Variants in CDK11B observed in about 807,000 individuals in gnomAD.
CDK11B encodes the protein cyclin dependent kinase 11B.
In CDK11B, 37 loss-of-function variants were observed where a neutral mutation model predicts 84.0. The observed-to-expected ratio is 0.44, with a 90% CI of 0.34 to 0.58. The LOEUF (loss-of-function observed/expected upper bound fraction) is 0.58. Ranked by LOEUF, CDK11B falls within the 20% of genes least tolerant of loss-of-function variation. The probability of loss-of-function intolerance (pLI) is 0.02; values close to 1 mark genes in which losing one functional copy is unlikely to be tolerated. For synonymous variants in CDK11B, 269 were observed against 309.8 expected, an observed-to-expected ratio of 0.87 and a Z score of 1.38; for missense variants, 427 against 834.0, an observed-to-expected ratio of 0.51 and a Z score of 6.01.
chr1:1,640,064 G>C (rs1467018471), intron 11 of CDK11B, among the ~76,000 whole-genome samples: 4 of 151,780 alleles, frequency 2.6e-5, no homozygotes, highest in African/African-American at 7.3e-5. Flanking sequence ...CCTGCGGGCA[G>C]CTCCCTGTCC....
rs910161203 is a variant in CDK11B, at chr1:1,641,777, T to TTCC, written c.891_893dup (p.Glu303dup). On this transcript the variant is annotated inframe_insertion, in exon 9 of 20. Coordinates refer to ENST00000341832, the MANE Select transcript of CDK11B (RefSeq NM_033486.3). ...TGGTGCTCCCTTCCTCCTCCTCCTC[T>TTCC]TCCTCCTCCTCCTCTTCTTCCTCAG... 4 of 666,616 alleles carry TTCC rather than the reference T, an allele frequency of 6.0e-6. 1 individual carries two copies. The highest frequency in any genetic ancestry group is 7.6e-6 in the Non-Finnish European group (3 of 396,032). 41.3% of individuals were successfully genotyped at this position (666,616 alleles called of 1,614,324 possible).
chr1:1,655,743 G>A (rs996431765), intron 2 of CDK11B, among the ~76,000 whole-genome samples: 1 of 151,948 alleles, frequency 6.6e-6, no homozygotes, highest in African/African-American at 2.4e-5. Flanking sequence ...ACAACACAGT[G>A]AAACCCCATC....
chr1:1,639,321 A>C (rs913564991), intron 11 of CDK11B, among the ~76,000 whole-genome samples: 31 of 151,674 alleles, frequency 2.0e-4, no homozygotes, highest in Non-Finnish European at 3.7e-4. Flanking sequence ...GGAGGCTGAA[A>C]TGGGAGGATT....
At chr1:1,655,525 T>A in intron 2 of CDK11B, 41 bp from the exon 3 acceptor site, 1 of 1,529,406 alleles carries the variant, frequency 6.5e-7, no homozygotes, top group Non-Finnish European at 8.8e-7. Context: ...CTTTATAAGT[T>A]TTTTTTTCTT....
intron 4 of CDK11B, among the ~76,000 whole-genome samples, chr1:1,650,506 C>A (rs1156513055): frequency 6.6e-6 from 1 of 150,518 alleles, no homozygotes; most frequent in East Asian, 2.0e-4. Context: ...GCTGGTACTA[C>A]AGGCGCCTGC....
In CDK11B at chr1:1,649,510, G is replaced by A; in HGVS notation, c.483C>T (p.Ser161=). 6.3e-7 allele frequency: 1 copy of A among 1,590,136 alleles called. No individual in the cohort carries two copies. The highest frequency in any genetic ancestry group is 2.2e-5 in the East Asian group (1 of 44,776). Residue 161 remains serine (S), a synonymous_variant, in exon 5 of 20, where the codon TCC becomes TCT. Coordinates refer to ENST00000341832, the MANE Select transcript of CDK11B (RefSeq NM_033486.3). ...CCCAGCCGACTCACCTTTCTCTCCT[G>A]GAATGCTCCCTTGCCATCTCCCTTC... ...QKRREMAREH[S]RRERDRLEQL...
chr1:1,652,481 T>G lies in CDK11B; in HGVS notation c.313A>C (p.Arg105=). The G allele has an allele frequency of 6.6e-7, 1 of 1,508,134 alleles. No homozygotes were observed. Among genetic ancestry groups the G allele is most frequent in the South Asian group, 1.4e-5 (1 of 72,396 alleles). 93.4% of individuals were successfully genotyped at this position (1,508,134 alleles called of 1,614,324 possible). The part of the protein sequence containing the change: ...EKAHHRKDEK[R]KEKRRHRSHS... ...CTACGATGCCTACGTTTCTCTTTTC[T>G]CTTTTCATCTTTTCTGTGATGAGCT... Residue 105 remains arginine (R), a synonymous_variant, in exon 4 of 20, where the codon AGA becomes CGA. Coordinates refer to ENST00000341832, the MANE Select transcript of CDK11B (RefSeq NM_033486.3).
intron 11 of CDK11B, among the ~76,000 whole-genome samples, chr1:1,639,696 C>A (rs1226735633): frequency 6.6e-6 from 1 of 151,954 alleles, no homozygotes; most frequent in Admixed American, 6.6e-5. Context: ...CCAGAGAGAA[C>A]CTCTCCGCCC....
intron 13 of CDK11B, 45 bp downstream of exon 13, chr1:1,637,717 G>C: frequency 1.2e-6 from 2 of 1,613,662 alleles, no homozygotes; most frequent in Non-Finnish European, 1.7e-6. Context: ...GGCCCTGTCA[G>C]AAAAGCCTTC....
chr1:1,655,098 C>T (rs1232560514), intron 3 of CDK11B, among the ~76,000 whole-genome samples: 1 of 152,078 alleles, frequency 6.6e-6, no homozygotes, highest in Non-Finnish European at 1.5e-5. Flanking sequence ...GTGCAAAATC[C>T]TATATAGTAT....
At chr1:1,650,405 G>A (rs1279476075) in intron 4 of CDK11B, among the ~76,000 whole-genome samples, 20,776 of 124,878 alleles carry the variant, frequency 0.17, 3,699 homozygotes, top group African/African-American at 0.45. Context: ...TTGCTCTGTC[G>A]CCCAGGCTGG....
In CDK11B at chr1:1,635,812, C is replaced by T. The variant is rs1639194714; in HGVS notation, c.2301G>A (p.Thr767=). 1.4e-5 allele frequency: 5 copies of T among 348,012 alleles called. No homozygotes were observed. The highest frequency in any genetic ancestry group is 2.4e-5 in the Non-Finnish European group (5 of 211,266). The allele number at this position is 348,012 out of a possible 1,614,324, so 21.6% of individuals were successfully genotyped here. A position where few individuals can be genotyped will look rare whatever the true frequency, so the allele number is the denominator to read the frequency against. Residue 767 remains threonine (T), a synonymous_variant, in exon 20 of 20, where the codon ACG becomes ACA. Transcript: ENST00000341832. ...GGCCCGCGGCAGAGGCCCCCTGGTT[C>T]GTGGTGGTAAGGTGGAAGCCCGTCT... ...LKETGFHLTT[T]NQGASAAGPG...
chr1:1,647,564 C>T (rs1477696862), intron 5 of CDK11B, among the ~76,000 whole-genome samples: 5 of 152,248 alleles, frequency 3.3e-5, no homozygotes, highest in Admixed American at 6.5e-5. Context: ...CCTTGGCCCA[C>T]GGCTGTGTGT....
chr1:1,645,072 AG>A, intron 6 of CDK11B, 53 bp downstream of exon 6: 2 of 763,818 alleles, frequency 2.6e-6, no homozygotes, highest in Non-Finnish European at 4.2e-6. Flanking sequence ...GCCCAGCACC[AG>A]GGGGCAGCAG....
chr1:1,639,574 C>A (rs2100725186), intron 11 of CDK11B, among the ~76,000 whole-genome samples: 1 of 152,038 alleles, frequency 6.6e-6, no homozygotes, highest in South Asian at 2.1e-4. Flanking sequence ...GGTGCCCAGG[C>A]CGGATGTCAT....
Position 1,640,336 on chromosome 1 carries a change from G to A in CDK11B, c.1192C>T (p.Pro398Ser). 1 of 1,613,718 alleles carries A rather than the reference G, an allele frequency of 6.2e-7. No individual in the cohort carries two copies. Among genetic ancestry groups the A allele is most frequent in the South Asian group, 1.1e-5 (1 of 91,072 alleles). The change falls in exon 11 of 20, where the codon CCT becomes TCT. Residue 398 changes from proline (P) to serine (S), a missense_variant. Pro to Ser is a moderately conservative substitution (Grantham distance 74, BLOSUM62 -1). Coordinates refer to ENST00000341832, the MANE Select transcript of CDK11B (RefSeq NM_033486.3). ...TTGAGCTCGATGGGCGACAGGGCAG[G>A]GGAGTCGGGCACATAGTCGCCCTCT... ...LTEGDYVPDS[P>S]ALSPIELKQE...
At chr1:1,654,141 C>T (rs1000969548) in intron 3 of CDK11B, 4 of 465,920 alleles carry the variant, frequency 8.6e-6, no homozygotes, top group Non-Finnish European at 1.7e-5. Flanking sequence ...AACCATTATA[C>T]CGTAATTTCT....
At chr1:1,653,291 G>A (rs1208308619) in intron 3 of CDK11B, among the ~76,000 whole-genome samples, 3 of 152,002 alleles carry the variant, frequency 2.0e-5, no homozygotes, top group Non-Finnish European at 4.4e-5. Context: ...CCAAAGTGCT[G>A]GGATTACAGG....
chr1:1,643,971 T>G (rs1425489079), intron 6 of CDK11B, among the ~76,000 whole-genome samples: 1 of 146,056 alleles, frequency 6.8e-6, no homozygotes, highest in African/African-American at 2.6e-5. Context: ...ATATAAACAT[T>G]AGAGAGGCTC....
Sources: gnomAD v4.1 joint callset for allele counts (sites outside exome capture counted in the v4.1 genomes callset) on GRCh38, gnomAD v4.1.1 for gene constraint, MANE v1.5 for transcripts, NCBI Gene and HGNC (gene_info 2026-07-23, HGNC 2026-07-21) for gene names.